The following TSHZ3 variants were observed in gnomAD, a reference collection of about 807,000 sequenced individuals.
TSHZ3 encodes the protein teashirt homolog 3.
A neutral mutation model predicts 64.5 loss-of-function variants in TSHZ3; 10 were observed. The ratio of observed to expected loss-of-function variants is 0.16; its 90% CI spans 0.10 to 0.26. TSHZ3 has a LOEUF of 0.26. Among genes scored for constraint, TSHZ3 ranks in the 10% least tolerant of loss-of-function variants. The probability of loss-of-function intolerance (pLI) is 1.00; values close to 1 mark genes in which losing one functional copy is unlikely to be tolerated. For missense variants in TSHZ3, 1,242 were observed against 1,421.7 expected, an observed-to-expected ratio of 0.87 and a Z score of 2.03; for synonymous variants, 608 against 593.1, an observed-to-expected ratio of 1.03 and a Z score of -0.36.
intron 5 of TSHZ3, among the ~76,000 whole-genome samples, chr19:31,175,935 C>T (rs1042615296): frequency 6.6e-6 from 1 of 152,214 alleles, no homozygotes; most frequent in African/African-American, 2.4e-5. Flanking sequence ...AGACACAGCC[C>T]TACCCTTAGG....
intron 1 of TSHZ3, among the ~76,000 whole-genome samples, chr19:31,293,662 C>T (rs1599630831): frequency 6.6e-6 from 1 of 152,210 alleles, no homozygotes; most frequent in East Asian, 1.9e-4. Flanking sequence ...CTAAAGCCTA[C>T]AGAAATATAA....
intron 1 of TSHZ3, among the ~76,000 whole-genome samples, chr19:31,288,955 T>A (rs958911121): frequency 2.0e-5 from 3 of 152,220 alleles, no homozygotes; most frequent in Non-Finnish European, 4.4e-5. Flanking sequence ...CTGTGATGAC[T>A]GACTTCACAT....
At chr19:31,290,027 T>C (rs1167558996) in intron 1 of TSHZ3, among the ~76,000 whole-genome samples, 1 of 152,182 alleles carries the variant, frequency 6.6e-6, no homozygotes, top group Non-Finnish European at 1.5e-5. Flanking sequence ...ACAAACGTGC[T>C]GCACACCTTG....
chr19:31,350,097 C>T (rs951385393), upstream of TSHZ3, among the ~76,000 whole-genome samples: 3 of 147,666 alleles, frequency 2.0e-5, no homozygotes, highest in African/African-American at 7.4e-5. Flanking sequence ...AGCTGCCCCA[C>T]CCGGCTCGCA....
chr19:31,254,773 G>T (rs1317159913), intron 1 of TSHZ3, among the ~76,000 whole-genome samples: 1 of 152,214 alleles, frequency 6.6e-6, no homozygotes. Context: ...GCTAGTGCGT[G>T]TCTAAGGACA....
intron 5 of TSHZ3, among the ~76,000 whole-genome samples, chr19:31,170,292 G>A (rs1276162662): frequency 1.3e-5 from 2 of 152,106 alleles, no homozygotes; most frequent in Non-Finnish European, 2.9e-5. Flanking sequence ...GGATTGATGG[G>A]GGAAACAGAG....
chr19:31,312,920 C>T (rs1191401467), intron 1 of TSHZ3, among the ~76,000 whole-genome samples: 2 of 152,140 alleles, frequency 1.3e-5, no homozygotes, highest in African/African-American at 4.8e-5. Flanking sequence ...GATTTCACGG[C>T]GTTTATTTTT....
chr19:31,255,882 G>A (rs899386863), intron 1 of TSHZ3, among the ~76,000 whole-genome samples: 5 of 152,174 alleles, frequency 3.3e-5, no homozygotes, highest in Non-Finnish European at 7.4e-5. Flanking sequence ...TAGTGTTGGG[G>A]TGATGAGTGA....
chr19:31,343,691 T>C (rs1478339590), intron 1 of TSHZ3, among the ~76,000 whole-genome samples: 1 of 152,010 alleles, frequency 6.6e-6, no homozygotes, highest in Non-Finnish European at 1.5e-5. Flanking sequence ...AATTTTTAAG[T>C]CCATTTCTAA....
intron 1 of TSHZ3, among the ~76,000 whole-genome samples, chr19:31,346,930 C>T (rs1332603939): frequency 1.3e-5 from 2 of 151,716 alleles, no homozygotes; most frequent in Non-Finnish European, 2.9e-5. Flanking sequence ...TAGGCAGAGG[C>T]ATTCTGATAA....
chr19:31,178,218 G>A (rs1218905010), intron 5 of TSHZ3, among the ~76,000 whole-genome samples: 1 of 152,190 alleles, frequency 6.6e-6, no homozygotes, highest in Non-Finnish European at 1.5e-5. Context: ...AGCATGCTAA[G>A]CCCTGGGTGG....
At chr19:31,201,714 C>G (rs756128901) in intron 5 of TSHZ3, among the ~76,000 whole-genome samples, 1 of 152,090 alleles carries the variant, frequency 6.6e-6, no homozygotes, top group Non-Finnish European at 1.5e-5. Flanking sequence ...AGCGGCTTCC[C>G]TCTTCCTTCC....
chr19:31,334,981 G>C (rs1408793149), intron 1 of TSHZ3, among the ~76,000 whole-genome samples: 1 of 152,072 alleles, frequency 6.6e-6, no homozygotes, highest in Non-Finnish European at 1.5e-5. Context: ...AAGCTGCCAG[G>C]GGTTACCTGG....
intron 1 of TSHZ3, among the ~76,000 whole-genome samples, chr19:31,337,720 A>AAC (rs372251116): frequency 0.072 from 10,502 of 145,990 alleles, 346 homozygotes; most frequent in Non-Finnish European, 0.082. Flanking sequence ...TTTCAAAATA[A>AAC]ACACACACAC....
chr19:31,156,754 A>G (rs1974310730), intron 5 of TSHZ3, among the ~76,000 whole-genome samples: 1 of 152,230 alleles, frequency 6.6e-6, no homozygotes, highest in African/African-American at 2.4e-5. Flanking sequence ...AGTTAAGCTT[A>G]ACAAGATGTG....
intron 1 of TSHZ3, among the ~76,000 whole-genome samples, chr19:31,298,901 A>C (rs1028720181): frequency 2.2e-4 from 33 of 152,334 alleles, no homozygotes; most frequent in African/African-American, 7.9e-4. Context: ...ATTCTTTAAA[A>C]GCGTGACACA....
intron 1 of TSHZ3, among the ~76,000 whole-genome samples, chr19:31,339,808 G>A (rs965067407): frequency 6.6e-6 from 1 of 150,754 alleles, no homozygotes; most frequent in Non-Finnish European, 1.5e-5. Context: ...AAAAAAAAAG[G>A]GGGGGGCGTT....
intron 1 of TSHZ3, among the ~76,000 whole-genome samples, chr19:31,315,711 T>C (rs1415966558): frequency 6.6e-6 from 1 of 152,258 alleles, no homozygotes; most frequent in African/African-American, 2.4e-5. Context: ...ACAGCAGTGC[T>C]CCGAGGCAAT....
At chr19:31,176,973 G>A (rs890214417) in intron 5 of TSHZ3, among the ~76,000 whole-genome samples, 1 of 152,138 alleles carries the variant, frequency 6.6e-6, no homozygotes, top group Admixed American at 6.5e-5. Context: ...AAAACTGGCA[G>A]TATCTACCAT....
Sources: allele counts gnomAD v4.1 joint callset (sites outside exome capture counted in the v4.1 genomes callset), GRCh38; gene constraint gnomAD v4.1.1; transcripts MANE v1.5; gene names NCBI Gene and HGNC (gene_info 2026-07-23, HGNC 2026-07-21).